NCKAP5: variants seen among roughly 807,000 people sequenced by gnomAD.
NCKAP5 encodes the protein nck-associated protein 5.
Under a neutral mutation model 167.0 loss-of-function variants are expected in NCKAP5, and 92 were observed. The observed-to-expected ratio is 0.55, with a 90% confidence interval of 0.47 to 0.66. The LOEUF is 0.66. Ranked by LOEUF, NCKAP5 falls within the 30% of genes least tolerant of loss-of-function variation. The pLI is 0.00. For synonymous variants in NCKAP5, 891 were observed against 877.4 expected (o/e 1.02, Z -0.27); for missense variants, 2,378 against 2,315.0 (o/e 1.03, Z -0.56).
intron 8 of NCKAP5, among the ~76,000 whole-genome samples, chr2:132,957,047 T>C (rs1263166935): frequency 6.6e-6 from 1 of 152,174 alleles, no homozygotes; most frequent in African/African-American, 2.4e-5. Flanking sequence ...CCGAGTGTCA[T>C]CTGTATGCTG....
chr2:133,525,220 G>A (rs975612139), intron 2 of NCKAP5, among the ~76,000 whole-genome samples: 50 of 152,188 alleles, frequency 3.3e-4, no homozygotes, highest in Non-Finnish European at 6.8e-4. Context: ...AATAGTCTCA[G>A]AGAGACATGA....
the NCKAP5 span, among the ~76,000 whole-genome samples, chr2:133,619,731 C>A: frequency 6.6e-6 from 1 of 151,978 alleles, no homozygotes; most frequent in Admixed American, 6.6e-5. Flanking sequence ...ATCTAGACAT[C>A]CAAATACAAG....
chr2:133,056,696 C>G (rs888721019), intron 6 of NCKAP5, among the ~76,000 whole-genome samples: 2 of 152,162 alleles, frequency 1.3e-5, no homozygotes, highest in African/African-American at 4.8e-5. Flanking sequence ...AGCAGGAAAT[C>G]TTTTCCTTGG....
chr2:133,252,257 G>A (rs1360097413), intron 4 of NCKAP5, among the ~76,000 whole-genome samples: 1 of 152,024 alleles, frequency 6.6e-6, no homozygotes, highest in East Asian at 1.9e-4. Flanking sequence ...TGGTAGTAAG[G>A]ATTACTTAGA....
chr2:133,098,287 T>C (rs2081404794), intron 6 of NCKAP5, among the ~76,000 whole-genome samples: 3 of 152,204 alleles, frequency 2.0e-5, no homozygotes, highest in Non-Finnish European at 2.9e-5. Context: ...CTTAAAATAA[T>C]TGCATTAGGG....
chr2:133,157,941 G>T (rs915440706), intron 5 of NCKAP5, among the ~76,000 whole-genome samples: 3 of 152,148 alleles, frequency 2.0e-5, no homozygotes, highest in African/African-American at 7.2e-5. Flanking sequence ...AGGTCCACTA[G>T]TTAATTCTCT....
At chr2:133,416,629 T>C (rs1329620072) in intron 3 of NCKAP5, among the ~76,000 whole-genome samples, 1 of 152,054 alleles carries the variant, frequency 6.6e-6, no homozygotes, top group African/African-American at 2.4e-5. Flanking sequence ...CAACTTGGCA[T>C]TGGAAATAAT....
intron 2 of NCKAP5, among the ~76,000 whole-genome samples, chr2:133,544,502 T>G (rs776083602): frequency 6.6e-6 from 1 of 152,164 alleles, no homozygotes; most frequent in Non-Finnish European, 1.5e-5. Flanking sequence ...GTCACAGAGG[T>G]CTTTCCATGT....
At chr2:133,462,078 T>C (rs1692233825) in intron 3 of NCKAP5, among the ~76,000 whole-genome samples, 1 of 152,236 alleles carries the variant, frequency 6.6e-6, no homozygotes, top group South Asian at 2.1e-4. Context: ...TTATTTCACA[T>C]AGGGAATGTA....
chr2:132,880,985 C>T (rs929443743), intron 8 of NCKAP5, among the ~76,000 whole-genome samples: 1 of 152,082 alleles, frequency 6.6e-6, no homozygotes, highest in Non-Finnish European at 1.5e-5. Context: ...TTGTTAATTT[C>T]AGGAAATATA....
intron 8 of NCKAP5, among the ~76,000 whole-genome samples, chr2:132,953,213 C>T (rs776315066): frequency 6.6e-6 from 1 of 152,182 alleles, no homozygotes; most frequent in Non-Finnish European, 1.5e-5. Flanking sequence ...CCTTGACAGG[C>T]CCATGTTCTG....
At chr2:133,310,794 AC>A (rs1189691000) in intron 3 of NCKAP5, among the ~76,000 whole-genome samples, 1 of 152,168 alleles carries the variant, frequency 6.6e-6, no homozygotes, top group Non-Finnish European at 1.5e-5. Flanking sequence ...TCTGGATGTA[AC>A]CAGGCTCATG....
intron 4 of NCKAP5, among the ~76,000 whole-genome samples, chr2:133,294,262 T>G (rs765855491): frequency 2.6e-5 from 4 of 152,178 alleles, no homozygotes; most frequent in Non-Finnish European, 5.9e-5. Context: ...AGGTCTATGA[T>G]TACAGTGAAG....
chr2:133,571,020 A>C (rs1688847116), upstream of NCKAP5, among the ~76,000 whole-genome samples: 1 of 152,218 alleles, frequency 6.6e-6, no homozygotes, highest in Non-Finnish European at 1.5e-5. Context: ...GGGGAAAAAA[A>C]AGTCCAAGAA....
chr2:133,302,280 G>A, intron 4 of NCKAP5, among the ~76,000 whole-genome samples: 2 of 29,344 alleles, frequency 6.8e-5, no homozygotes, highest in Non-Finnish European at 1.1e-4. Context: ...CCCATTACTG[G>A]GTATATACCC....
At chr2:132,800,365 G>C (rs1036378713) in intron 11 of NCKAP5, among the ~76,000 whole-genome samples, 1 of 152,122 alleles carries the variant, frequency 6.6e-6, no homozygotes, top group African/African-American at 2.4e-5. Context: ...AGACATACTT[G>C]TTTTATTTTA....
chr2:133,390,398 CACACACGACCCG>C (rs1559445035), intron 3 of NCKAP5, among the ~76,000 whole-genome samples: 1 of 152,154 alleles, frequency 6.6e-6, no homozygotes, highest in Non-Finnish European at 1.5e-5. Flanking sequence ...TAAAGCTTCC[CACACACGACCCG>C]ATACCCTGGA....
At chr2:133,373,662 G>C (rs551457644) in intron 3 of NCKAP5, among the ~76,000 whole-genome samples, 162 of 152,320 alleles carry the variant, frequency 1.1e-3, no homozygotes, top group Non-Finnish European at 1.9e-3. Context: ...ACTTCAAAAT[G>C]CACTACATGG....
chr2:133,424,283 C>T (rs886890948), intron 3 of NCKAP5, among the ~76,000 whole-genome samples: 6 of 152,146 alleles, frequency 3.9e-5, no homozygotes, highest in Non-Finnish European at 7.4e-5. Context: ...TTTTCTCAGG[C>T]CTCAGAGGTT....
Sources: allele counts gnomAD v4.1 joint callset (sites outside exome capture counted in the v4.1 genomes callset), GRCh38; gene constraint gnomAD v4.1.1; transcripts MANE v1.5; gene names NCBI Gene and HGNC (gene_info 2026-07-23, HGNC 2026-07-21).